Variants in CDH13 observed in about 807,000 individuals in gnomAD.
CDH13 encodes the protein cadherin-13.
In CDH13, 24 loss-of-function variants were observed where a neutral mutation model predicts 63.8. The ratio of observed to expected loss-of-function variants is 0.38; its 90% confidence interval spans 0.27 to 0.53. The LOEUF (loss-of-function observed/expected upper bound fraction) is 0.53, where lower values mean the gene tolerates loss of function less well. Among genes scored for constraint, CDH13 ranks in the 20% least tolerant of loss-of-function variants. The pLI, the probability that CDH13 is intolerant of heterozygous loss-of-function variation, is 0.85. For synonymous variants in CDH13, 503 were observed against 355.3 expected, an observed-to-expected ratio of 1.42 and a Z score of -4.67; for missense variants, 1,049 against 903.1, an observed-to-expected ratio of 1.16 and a Z score of -2.07.
At chr16:82,706,396 G>A (rs2031491994) in intron 1 of CDH13, among the ~76,000 whole-genome samples, 1 of 152,164 alleles carries the variant, frequency 6.6e-6, no homozygotes, top group Non-Finnish European at 1.5e-5. Flanking sequence ...TGCATATAAG[G>A]ATAAGGGATG....
chr16:83,082,143 T>C (rs530800918), intron 3 of CDH13, among the ~76,000 whole-genome samples: 1 of 152,222 alleles, frequency 6.6e-6, no homozygotes, highest in African/African-American at 2.4e-5. Flanking sequence ...TGTTATCACA[T>C]TGGGGTTTAG....
intron 6 of CDH13, among the ~76,000 whole-genome samples, chr16:83,477,850 C>G (rs781190068): frequency 1.3e-5 from 2 of 152,044 alleles, no homozygotes; most frequent in Non-Finnish European, 2.9e-5. Context: ...TAAATTTGAA[C>G]TAGTGTCTAA....
intron 2 of CDH13, among the ~76,000 whole-genome samples, chr16:82,863,723 G>A (rs1044890189): frequency 1.3e-5 from 2 of 152,130 alleles, no homozygotes; most frequent in African/African-American, 4.8e-5. Flanking sequence ...ACCTCAGCTA[G>A]ATCCACTTTT....
chr16:82,975,252 G>C (rs1909336911), intron 2 of CDH13, among the ~76,000 whole-genome samples: 1 of 152,206 alleles, frequency 6.6e-6, no homozygotes, highest in South Asian at 2.1e-4. Flanking sequence ...TAGGAAAGCA[G>C]AGATAAGGCT....
chr16:83,033,638 G>C (rs1431267675), intron 3 of CDH13, among the ~76,000 whole-genome samples: 2 of 152,124 alleles, frequency 1.3e-5, no homozygotes, highest in African/African-American at 2.4e-5. Context: ...GCACATGCAT[G>C]CAGATCCCTG....
chr16:83,792,559 C>G (rs977454039), intron 13 of CDH13, among the ~76,000 whole-genome samples: 1 of 152,180 alleles, frequency 6.6e-6, no homozygotes, highest in Admixed American at 6.5e-5. Context: ...TGGCAGGACG[C>G]CACTAGTGGC....
intron 5 of CDH13, among the ~76,000 whole-genome samples, chr16:83,297,944 C>A (rs971949901): frequency 6.6e-6 from 1 of 151,468 alleles, no homozygotes; most frequent in African/African-American, 2.4e-5. Flanking sequence ...AGCACGGCAG[C>A]TCACACTTGT....
chr16:82,646,659 A>T (rs984639135), intron 1 of CDH13, among the ~76,000 whole-genome samples: 1 of 152,180 alleles, frequency 6.6e-6, no homozygotes, highest in African/African-American at 2.4e-5. Flanking sequence ...CGATGCTTTC[A>T]TTCAAACCTA....
chr16:83,073,352 TGTGAGAGAGAGA>T (rs1292482815), intron 3 of CDH13, among the ~76,000 whole-genome samples: 1 of 125,144 alleles, frequency 8.0e-6, no homozygotes, highest in Non-Finnish European at 1.7e-5. Flanking sequence ...TGTGTGTGTG[TGTGAGAGAGAGA>T]GAGAGAGAGA....
intron 1 of CDH13, among the ~76,000 whole-genome samples, chr16:82,757,106 A>C (rs1403531719): frequency 6.6e-6 from 1 of 151,088 alleles, no homozygotes; most frequent in Non-Finnish European, 1.5e-5. Context: ...TTCCCACACA[A>C]CTCTTAGTTC....
chr16:82,788,053 T>C (rs1030419576), intron 1 of CDH13, among the ~76,000 whole-genome samples: 1 of 152,136 alleles, frequency 6.6e-6, no homozygotes, highest in Non-Finnish European at 1.5e-5. Context: ...AAGTGCCCTG[T>C]TGGAATAATA....
chr16:83,267,366 C>T (rs1414368380), intron 5 of CDH13, among the ~76,000 whole-genome samples: 1 of 152,118 alleles, frequency 6.6e-6, no homozygotes, highest in African/African-American at 2.4e-5. Flanking sequence ...TCCATGTATG[C>T]AGAATAGCTG....
intron 7 of CDH13, among the ~76,000 whole-genome samples, chr16:83,538,719 A>G (rs1296087261): frequency 6.6e-6 from 1 of 152,238 alleles, no homozygotes; most frequent in Non-Finnish European, 1.5e-5. Context: ...TTAGCAGAAG[A>G]GACAAGGTTG....
chr16:83,249,388 T>A (rs1418563613), intron 5 of CDH13, among the ~76,000 whole-genome samples: 1 of 152,186 alleles, frequency 6.6e-6, no homozygotes, highest in East Asian at 1.9e-4. Context: ...ATTGTCTTAC[T>A]TCTTCACAGA....
chr16:82,787,929 C>T (rs1389797881), intron 1 of CDH13, among the ~76,000 whole-genome samples: 1 of 143,010 alleles, frequency 7.0e-6, no homozygotes, highest in Non-Finnish European at 1.5e-5. Context: ...ACTCACAACT[C>T]CTGGGCTGTA....
intron 7 of CDH13, among the ~76,000 whole-genome samples, chr16:83,516,146 C>G (rs956991231): frequency 1.3e-5 from 2 of 152,182 alleles, no homozygotes; most frequent in African/African-American, 4.8e-5. Flanking sequence ...CCTCAGATAG[C>G]TCATGGCATT....
intron 6 of CDH13, among the ~76,000 whole-genome samples, chr16:83,459,184 A>G (rs2073106874): frequency 6.6e-6 from 1 of 152,226 alleles, no homozygotes; most frequent in African/African-American, 2.4e-5. Context: ...AAATAACAGA[A>G]CTCAGAAAAT....
At chr16:82,931,732 A>G (rs2042500820) in intron 2 of CDH13, among the ~76,000 whole-genome samples, 1 of 152,212 alleles carries the variant, frequency 6.6e-6, no homozygotes, top group Non-Finnish European at 1.5e-5. Flanking sequence ...TGAGAGCCAA[A>G]TGAAAGGAGG....
At chr16:83,713,156 C>G (rs143994734) in intron 10 of CDH13, among the ~76,000 whole-genome samples, 3 of 152,292 alleles carry the variant, frequency 2.0e-5, no homozygotes, top group East Asian at 3.9e-4. Flanking sequence ...ACAGATCAAC[C>G]TGGGAAAGGA....
Sources: gnomAD v4.1 joint callset for allele counts (sites outside exome capture counted in the v4.1 genomes callset) on GRCh38, gnomAD v4.1.1 for gene constraint, MANE v1.5 for transcripts, NCBI Gene and HGNC (gene_info 2026-07-23, HGNC 2026-07-21) for gene names.